Variants in TTC28 observed in about 807,000 individuals in gnomAD.
TTC28 encodes tetratricopeptide repeat domain 28, also known as tetratricopeptide repeat protein 28.
In TTC28, 61 loss-of-function variants were observed where a neutral mutation model predicts 198.0. That is an observed-to-expected ratio of 0.31 (90% CI 0.25 to 0.38). The LOEUF is 0.38. Among genes scored for constraint, TTC28 ranks in the 10% least tolerant of loss-of-function variants. The pLI, the probability that TTC28 is intolerant of heterozygous loss-of-function variation, is 1.00. For synonymous variants in TTC28, 1,171 were observed against 1,297.8 expected, an observed-to-expected ratio of 0.90 and a Z score of 2.10; for missense variants, 2,678 against 3,164.0, an observed-to-expected ratio of 0.85 and a Z score of 3.69.
intron 2 of TTC28, among the ~76,000 whole-genome samples, chr22:28,572,062 G>A (rs544476973): frequency 2.2e-4 from 33 of 152,000 alleles, no homozygotes; most frequent in African/African-American, 7.0e-4. Context: ...AGCCCAGAGC[G>A]GTAGCTCATG....
chr22:28,181,214 A>G (rs550523468), intron 5 of TTC28, among the ~76,000 whole-genome samples: 1 of 152,320 alleles, frequency 6.6e-6, no homozygotes, highest in South Asian at 2.1e-4. Flanking sequence ...ACCTAGACCT[A>G]AGAGTTACTA....
chr22:28,239,685 T>A (rs134185), intron 5 of TTC28, among the ~76,000 whole-genome samples: 2 of 151,916 alleles, frequency 1.3e-5, no homozygotes, highest in Non-Finnish European at 2.9e-5. Flanking sequence ...TGGGTTTTTT[T>A]CCCCTAGGAA....
intron 2 of TTC28, among the ~76,000 whole-genome samples, chr22:28,462,188 A>C (rs2047959082): frequency 6.6e-6 from 1 of 151,986 alleles, no homozygotes; most frequent in African/African-American, 2.4e-5. Flanking sequence ...AGCCCATTTA[A>C]CCTCCCTTTG....
chr22:28,312,836 G>T (rs1601614476), intron 2 of TTC28, among the ~76,000 whole-genome samples: 1 of 152,100 alleles, frequency 6.6e-6, no homozygotes, highest in Non-Finnish European at 1.5e-5. Flanking sequence ...TCAAAAACTA[G>T]CAGAAGGCAA....
At chr22:28,084,825 T>C (rs562768467) in intron 12 of TTC28, among the ~76,000 whole-genome samples, 8 of 152,192 alleles carry the variant, frequency 5.3e-5, no homozygotes, top group East Asian at 1.9e-4. Flanking sequence ...AAGGACCTGA[T>C]GGAGCTGAAA....
At chr22:28,180,937 G>A (rs1923635539) in intron 5 of TTC28, among the ~76,000 whole-genome samples, 1 of 152,184 alleles carries the variant, frequency 6.6e-6, no homozygotes, top group South Asian at 2.1e-4. Flanking sequence ...CAATGCCTAA[G>A]CCTAGGGTTG....
At chr22:28,598,442 G>A (rs371973775) in intron 2 of TTC28, among the ~76,000 whole-genome samples, 1 of 141,276 alleles carries the variant, frequency 7.1e-6, no homozygotes, top group East Asian at 2.2e-4. Flanking sequence ...CCAGGAGGCA[G>A]AGCTTGCAGT....
At chr22:28,530,189 A>C (rs1413278555) in intron 2 of TTC28, among the ~76,000 whole-genome samples, 1 of 152,210 alleles carries the variant, frequency 6.6e-6, no homozygotes, top group African/African-American at 2.4e-5. Context: ...GGCTAACTAG[A>C]ATAAACAGCG....
intron 6 of TTC28, among the ~76,000 whole-genome samples, chr22:28,148,203 C>A (rs576370563): frequency 1.1e-4 from 16 of 152,326 alleles, no homozygotes; most frequent in South Asian, 8.3e-4. Context: ...TCAATTCAGT[C>A]TTCCTACTAA....
chr22:28,009,810 G>A (rs1938071763), intron 14 of TTC28, among the ~76,000 whole-genome samples: 1 of 152,258 alleles, frequency 6.6e-6, no homozygotes. Context: ...GTAAATATCT[G>A]TTGAATGAAT....
At chr22:28,091,791 A>T (rs894400624) in intron 12 of TTC28, among the ~76,000 whole-genome samples, 74 of 152,364 alleles carry the variant, frequency 4.9e-4, no homozygotes, top group African/African-American at 1.7e-3. Context: ...CACAGAACTG[A>T]AAAAGAGTAA....
intron 12 of TTC28, among the ~76,000 whole-genome samples, chr22:28,093,531 C>A (rs758187426): frequency 6.6e-6 from 1 of 152,154 alleles, no homozygotes; most frequent in Admixed American, 6.5e-5. Context: ...GTAAAATAGT[C>A]AATCATTATG....
intron 2 of TTC28, among the ~76,000 whole-genome samples, chr22:28,566,220 C>A (rs2049966650): frequency 6.6e-6 from 1 of 152,154 alleles, no homozygotes; most frequent in Non-Finnish European, 1.5e-5. Flanking sequence ...ACTAGAGAAG[C>A]TTTGTAGAGC....
intron 13 of TTC28, among the ~76,000 whole-genome samples, chr22:28,017,347 G>T (rs2146592341): frequency 6.6e-6 from 1 of 152,366 alleles, no homozygotes; most frequent in Non-Finnish European, 1.5e-5. Flanking sequence ...CAGGCACCAT[G>T]GGTGCCACCC....
intron 13 of TTC28, chr22:28,029,016 G>A (rs1188350038): frequency 2.1e-6 from 1 of 471,054 alleles, no homozygotes; most frequent in African/African-American, 2.0e-5. Context: ...TGCATCACCT[G>A]GTGGAGGTAA....
At chr22:28,046,388 C>A (rs1939861813) in intron 12 of TTC28, among the ~76,000 whole-genome samples, 1 of 152,170 alleles carries the variant, frequency 6.6e-6, no homozygotes, top group Non-Finnish European at 1.5e-5. Flanking sequence ...GGCTACAAAC[C>A]TTTAGAGCAT....
At chr22:28,078,236 C>G (rs1941229262) in intron 12 of TTC28, among the ~76,000 whole-genome samples, 1 of 152,148 alleles carries the variant, frequency 6.6e-6, no homozygotes, top group African/African-American at 2.4e-5. Context: ...TGCAGAATAA[C>G]AAGGACACCA....
intron 12 of TTC28, among the ~76,000 whole-genome samples, chr22:28,033,330 T>G (rs1939208402): frequency 6.6e-6 from 1 of 152,194 alleles, no homozygotes; most frequent in South Asian, 2.1e-4. Flanking sequence ...GAGTCCCTAG[T>G]GCCTTGCCAC....
chr22:28,384,172 T>C (rs2046537984), intron 2 of TTC28, among the ~76,000 whole-genome samples: 2 of 152,162 alleles, frequency 1.3e-5, no homozygotes, highest in Non-Finnish European at 2.9e-5. Flanking sequence ...AGAAACACCT[T>C]TATGTTCTAT....
Sources: gnomAD v4.1 joint callset for allele counts (sites outside exome capture counted in the v4.1 genomes callset) on GRCh38, gnomAD v4.1.1 for gene constraint, MANE v1.5 for transcripts, NCBI Gene and HGNC (gene_info 2026-07-23, HGNC 2026-07-21) for gene names.